CENPX: variants seen among roughly 807,000 people sequenced by gnomAD.
The protein encoded by CENPX is FANCM associated histone fold protein 2.
A neutral mutation model predicts 13.2 loss-of-function variants in CENPX; 13 were observed. The ratio of observed to expected loss-of-function variants is 0.98; its 90% confidence interval spans 0.64 to 1.56. CENPX has a LOEUF of 1.56. CENPX is among the 40% of genes most tolerant of loss of function. CENPX has a pLI of 0.00. For synonymous variants in CENPX, 66 were observed against 47.2 expected (o/e 1.40, Z -1.63); for missense variants, 138 against 107.5 (o/e 1.28, Z -1.26).
chr17:82,019,212 T>G lies in CENPX; in HGVS notation c.239A>C (p.Asp80Ala). The change falls in exon 5 of 5, where the codon GAC becomes GCC. Residue 80 changes from aspartate to alanine, a missense_variant. Asp to Ala is a moderately radical substitution (Grantham distance 126). Transcript: ENST00000392359. Reference protein sequence around the residue: ...LEKVLPQLLLDF With the variant: ...LEKVLPQLLLAF Reference sequence around the variant, plus strand: ...CAGCCACGGCTGAGATCCCTAGAAGTCCAGGAGCTGTGGGGAAGAGAAGCA... The same window carrying G: ...CAGCCACGGCTGAGATCCCTAGAAGGCCAGGAGCTGTGGGGAAGAGAAGCA... 10 of 1,584,850 alleles carry G rather than the reference T, an allele frequency of 6.3e-6. No individual in the cohort carries two copies. Among genetic ancestry groups the G allele is most frequent in the Non-Finnish European group, 8.6e-6 (10 of 1,160,640 alleles).
Position 82,022,807 on chromosome 17 carries a change from C to CCT in CENPX, c.36+17_36+18dup. ...ACGGAGCGTCCGCGCCTGCCTAGCC[C>CCT]CTGCCCTCCGGCCCTCACCTTCCGG... On this transcript the variant is annotated intron_variant, in intron 1 of 4. Transcript: ENST00000392359. 6.3e-7 allele frequency: 1 copy of CCT among 1,579,230 alleles called. No homozygotes were observed. Among genetic ancestry groups the CCT allele is most frequent in the Non-Finnish European group, 8.6e-7 (1 of 1,165,772 alleles).
Position 82,019,282 on chromosome 17 carries a change from C to T in CENPX, c.231+11G>A, listed in dbSNP as rs375883474. On this transcript the variant is annotated intron_variant, in intron 4 of 4. Transcript: ENST00000392359. ...GCACCCCCACTTGCGCCCCGACCCA[C>T]GCTCACGCACCAGCTGCGGAAGCAC... The T allele has an allele frequency of 1.1e-5, 17 of 1,596,962 alleles. No homozygotes were observed. Among genetic ancestry groups the T allele is most frequent in the Middle Eastern group, 1.7e-4 (1 of 6,050 alleles).
rs7225171 is a variant in CENPX at position 82,019,822 on chromosome 17, C to T, written c.88+36G>A. 10,653 of 1,596,766 alleles carry T rather than the reference C, an allele frequency of 6.7e-3. 616 individuals carry two copies. The African/African-American group carries it at 0.12, about 19-fold the overall frequency. ...AGGAAAGGGTCCCTGAGGACAGACACGGGGACCCACCTCCCGCCCGCACCC... is the reference window on the plus strand; with the variant it reads ...AGGAAAGGGTCCCTGAGGACAGACATGGGGACCCACCTCCCGCCCGCACCC... On this transcript the variant is annotated intron_variant, in intron 2 of 4. Transcript: ENST00000392359.
intron 2 of CENPX, 42 bp downstream of exon 2, chr17:82,019,816 C>T (rs374558861): frequency 1.8e-4 from 283 of 1,593,626 alleles, no homozygotes; most frequent in Admixed American, 2.7e-4. Context: ...TCCCTGAGGA[C>T]AGACACGGGG....
chr17:82,019,833 C>CAA, intron 2 of CENPX, 25 bp downstream of exon 2: 5 of 1,594,000 alleles, frequency 3.1e-6, no homozygotes, highest in Non-Finnish European at 4.3e-6. Flanking sequence ...GGGGACCCAC[C>CAA]TCCCGCCCGC....
At chr17:82,019,957 A>G (rs781774680) in intron 1 of CENPX, 48 bp from the exon 2 acceptor site, 161 of 1,139,748 alleles carry the variant, frequency 1.4e-4, no homozygotes, top group Non-Finnish European at 1.9e-4. Flanking sequence ...TCCCCCCCGC[A>G]CCCCCCAGGG....
Position 82,019,285 on chromosome 17 carries a change from T to C in CENPX, c.231+8A>G. ...CCCCCACTTGCGCCCCGACCCACGC[T>C]CACGCACCAGCTGCGGAAGCACCTT... On this transcript the variant is annotated splice_region_variant and intron_variant, in intron 4 of 4. Coordinates refer to ENST00000392359, the MANE Select transcript of CENPX (RefSeq NM_001271006.2). The C allele has an allele frequency of 6.3e-7, 1 of 1,597,688 alleles. No individual in the cohort carries two copies. Among genetic ancestry groups the C allele is most frequent in the East Asian group, 2.3e-5 (1 of 44,264 alleles).
chr17:82,020,009 A>C lies in CENPX; in HGVS notation c.37-100T>G, dbSNP rs368242908. ...GACAGTGGCTGTGACTTCTGGCTGG[A>C]GACGCCCTCTGTGCCTGAGCCTCTC... On this transcript the variant is annotated intron_variant, in intron 1 of 4. Coordinates refer to ENST00000392359, the MANE Select transcript of CENPX (RefSeq NM_001271006.2). 1.1e-3 allele frequency: 1,232 copies of C among 1,161,142 alleles called. 7 individuals carry two copies. In the African/African-American group the frequency reaches 0.017, roughly 16 times the overall value. 71.9% of individuals were successfully genotyped at this position (1,161,142 alleles called of 1,614,324 possible).
chr17:82,019,705 G>A lies in CENPX; in HGVS notation c.89-11C>T. 3 of 1,550,262 alleles carry A rather than the reference G, an allele frequency of 1.9e-6. No individual in the cohort carries two copies. Among genetic ancestry groups the A allele is most frequent in the Middle Eastern group, 3.3e-4 (2 of 5,992 alleles). ...GCGCGTCCCCGCTCACTGCAAGGCA[G>A]GGGGAGGTTATGCGGGACCCTCACC... On this transcript the variant is annotated splice_polypyrimidine_tract_variant and intron_variant, in intron 2 of 4. Transcript: ENST00000392359.
At chr17:82,022,344 A>G (rs1447645730) in intron 1 of CENPX, among the ~76,000 whole-genome samples, 1 of 152,160 alleles carries the variant, frequency 6.6e-6, no homozygotes, top group Non-Finnish European at 1.5e-5. Flanking sequence ...CGAAGAAACC[A>G]CGCGTTCCTA....
At position 82,018,961 on chromosome 17, in the gene CENPX, G is replaced by A. The variant is rs1401661199; in HGVS notation, c.*244C>T. ...GCACACTATTGTCCCAGGGAGGAGAGGCAGGGACTCCCCAGGTGCTGCCCC... is the reference window on the plus strand; with the variant it reads ...GCACACTATTGTCCCAGGGAGGAGAAGCAGGGACTCCCCAGGTGCTGCCCC... On this transcript the variant is annotated 3_prime_UTR_variant, in exon 5 of 5. Transcript: ENST00000392359. 2 of 457,912 alleles carry A rather than the reference G, an allele frequency of 4.4e-6. No individual in the cohort carries two copies. The highest frequency in any genetic ancestry group is 3.7e-6 in the Non-Finnish European group (1 of 271,886). 28.4% of individuals were successfully genotyped at this position (457,912 alleles called of 1,614,324 possible).
intron 1 of CENPX, 145 bp downstream of exon 1, chr17:82,022,681 C>T: frequency 1.0e-6 from 1 of 978,432 alleles, no homozygotes; most frequent in Non-Finnish European, 1.5e-6. Flanking sequence ...GGCGCGCGGC[C>T]CGGCCGGAGA....
intron 1 of CENPX, 195 bp downstream of exon 1, chr17:82,022,631 C>T (rs973063950): frequency 4.6e-6 from 3 of 645,418 alleles, no homozygotes; most frequent in South Asian, 1.9e-5. Flanking sequence ...CTCCACGCCC[C>T]CTCCTACCAG....
Position 82,019,098 on chromosome 17 carries a change from T to A in CENPX, c.*107A>T, listed in dbSNP as rs955194440. On this transcript the variant is annotated 3_prime_UTR_variant, in exon 5 of 5. Transcript: ENST00000392359. ...AGATCTTGTTTGAATCAACTCCAAA[T>A]CCTTCAGGTCCTTCCCTGCCTCTTA... The A allele has an allele frequency of 3.5e-6, 5 of 1,432,702 alleles. No individual in the cohort carries two copies. The highest frequency in any genetic ancestry group is 4.6e-6 in the Non-Finnish European group (5 of 1,078,256). The allele number at this position is 1,432,702 out of a possible 1,614,324, so 88.7% of individuals were successfully genotyped here.
intron 4 of CENPX, 23 bp downstream of exon 4, chr17:82,019,270 C>A (rs374345871): frequency 1.3e-6 from 2 of 1,596,912 alleles, no homozygotes; most frequent in Non-Finnish European, 1.7e-6. Context: ...CCCCCACTTG[C>A]GCCCCGACCC....
In CENPX at chr17:82,019,307, C is replaced by T; in HGVS notation, c.217G>A (p.Val73Met). The part of the protein sequence containing the change: ...LRVDVDQLEK[V>M]LPQLLLDF ...CGCTCACGCACCAGCTGCGGAAGCA[C>T]CTTCTCCAGCTGGTCCACGTCCACA... The change falls in exon 4 of 5, where the codon GTG becomes ATG. Residue 73 changes from valine (V) to methionine (M), a missense_variant. By Grantham distance (21) the Val-to-Met change is conservative (BLOSUM62 1). Transcript: ENST00000392359. The T allele has an allele frequency of 6.3e-7, 1 of 1,592,898 alleles. No individual in the cohort carries two copies. Among genetic ancestry groups the T allele is most frequent in the Non-Finnish European group, 8.5e-7 (1 of 1,170,772 alleles).
At chr17:82,022,380 G>T (rs773161421) in intron 1 of CENPX, among the ~76,000 whole-genome samples, 8 of 152,146 alleles carry the variant, frequency 5.3e-5, no homozygotes, top group Non-Finnish European at 1.0e-4. Flanking sequence ...CCACCGGGGA[G>T]CAAACAAAAG....
In CENPX at chr17:82,018,806, C is replaced by T. The variant is rs544542010; in HGVS notation, c.*399G>A. On this transcript the variant is annotated 3_prime_UTR_variant, in exon 5 of 5. Coordinates refer to ENST00000392359, the MANE Select transcript of CENPX (RefSeq NM_001271006.2). ...ATATCGCATGGCTGGAAAGGTCACACGCCAGCTTTGATGTCGGGTGGCAGG... is the reference window on the plus strand; with the variant it reads ...ATATCGCATGGCTGGAAAGGTCACATGCCAGCTTTGATGTCGGGTGGCAGG... The T allele has an allele frequency of 8.9e-5, 27 of 302,982 alleles. No individual in the cohort carries two copies. The highest frequency in any genetic ancestry group is 1.1e-4 in the Non-Finnish European group (18 of 164,574). The allele number at this position is 302,982 out of a possible 1,614,324, so 18.8% of individuals were successfully genotyped here.
chr17:82,019,809 C>T, intron 2 of CENPX, 49 bp downstream of exon 2: 1 of 1,588,778 alleles, frequency 6.3e-7, no homozygotes, highest in South Asian at 1.1e-5. Flanking sequence ...GAAAGGGTCC[C>T]TGAGGACAGA....
Sources: allele counts gnomAD v4.1 joint callset (sites outside exome capture counted in the v4.1 genomes callset), GRCh38; gene constraint gnomAD v4.1.1; transcripts MANE v1.5; gene names NCBI Gene and HGNC (gene_info 2026-07-23, HGNC 2026-07-21).